The following SERPINA4 variants were observed in gnomAD, a reference collection of about 807,000 sequenced individuals.
SERPINA4 encodes the protein serpin family A member 4, also known as kallistatin.
In SERPINA4, 24 loss-of-function variants were observed where a neutral mutation model predicts 25.4. The observed-to-expected ratio is 0.95, with a 90% confidence interval of 0.69 to 1.33. The LOEUF (loss-of-function observed/expected upper bound fraction) is 1.33. Ranked by LOEUF, SERPINA4 falls within the 40% of genes most tolerant of loss-of-function variation. SERPINA4 has a pLI of 0.00. For synonymous variants in SERPINA4, 242 were observed against 223.6 expected, an observed-to-expected ratio of 1.08 and a Z score of -0.73; for missense variants, 553 against 535.8, an observed-to-expected ratio of 1.03 and a Z score of -0.32.
At position 94,569,604 on chromosome 14, in the gene SERPINA4, G is replaced by A; in HGVS notation, c.*9G>A. The A allele has an allele frequency of 6.2e-7, 1 of 1,614,004 alleles. No individual in the cohort carries two copies. The highest frequency in any genetic ancestry group is 2.2e-5 in the East Asian group (1 of 44,872). ...ACCCCACGAAACCATAGCCCTCCCAGGGCTGCTCATCTGTTCCAAGCAGGA... is the reference window on the plus strand; with the variant it reads ...ACCCCACGAAACCATAGCCCTCCCAAGGCTGCTCATCTGTTCCAAGCAGGA... On this transcript the variant is annotated 3_prime_UTR_variant, in exon 5 of 5. Transcript: ENST00000557004.
In SERPINA4 at chr14:94,563,731, G is replaced by A. The variant is rs1202772779; in HGVS notation, c.249G>A (p.Ser83=). ...TCTTTTTCTCCCCGCTGAGCATCTCGGCGGCCTACGCCATGCTTTCCCTGG... is the reference window on the plus strand; with the variant it reads ...TCTTTTTCTCCCCGCTGAGCATCTCAGCGGCCTACGCCATGCTTTCCCTGG... ...KNIFFSPLSI[S]AAYAMLSLGA... The change falls in exon 2 of 5, where the codon TCG becomes TCA. Residue 83 remains serine (S), a synonymous_variant. Coordinates refer to ENST00000557004, the MANE Select transcript of SERPINA4 (RefSeq NM_006215.4). 14 of 1,613,964 alleles carry A rather than the reference G, an allele frequency of 8.7e-6. No individual in the cohort carries two copies. In the Admixed American group the frequency reaches 1.0e-4, roughly 12 times the overall value.
intron 2 of SERPINA4, among the ~76,000 whole-genome samples, chr14:94,566,741 C>T (rs113875816): frequency 9.2e-5 from 14 of 152,300 alleles, no homozygotes; most frequent in Admixed American, 4.6e-4. Context: ...TATTAGAAAA[C>T]GAACATCCTC....
chr14:94,567,814 A>G (rs755503417), intron 3 of SERPINA4, among the ~76,000 whole-genome samples: 23 of 152,286 alleles, frequency 1.5e-4, no homozygotes, highest in Non-Finnish European at 2.4e-4. Context: ...CCACAGGGCT[A>G]TAACAGAGGC....
intron 1 of SERPINA4, chr14:94,561,835 G>A (rs1347963460): frequency 7.8e-7 from 1 of 1,289,842 alleles, no homozygotes. Flanking sequence ...TCATGCCGGA[G>A]GGGAGGTGTG....
At chr14:94,569,268 TC>T in intron 4 of SERPINA4, 126 bp from the exon 5 acceptor site, 1 of 805,622 alleles carries the variant, frequency 1.2e-6, no homozygotes. Context: ...TGCTGTGTTA[TC>T]CCCAAGAAAT....
At position 94,564,041 on chromosome 14, in the gene SERPINA4, A is replaced by G. The variant is rs1255022977; in HGVS notation, c.559A>G (p.Lys187Glu). The change falls in exon 2 of 5, where the codon AAG (lysine) becomes GAG (glutamate). Residue 187 changes from lysine to glutamate, a missense_variant. By Grantham distance (56) the Lys-to-Glu change is moderately conservative (BLOSUM62 1). Coordinates refer to ENST00000557004, the MANE Select transcript of SERPINA4 (RefSeq NM_006215.4). The part of the protein sequence containing the change: ...GTIQLINDHV[K>E]KETRGKIVDL... ...AATCCAGCTTATCAACGACCACGTCAAGAAGGAAACTCGAGGGAAGATTGT... is the reference window on the plus strand; with the variant it reads ...AATCCAGCTTATCAACGACCACGTCGAGAAGGAAACTCGAGGGAAGATTGT... 1 of 1,612,306 alleles carries G rather than the reference A, an allele frequency of 6.2e-7. No individual in the cohort carries two copies. Among genetic ancestry groups the G allele is most frequent in the Non-Finnish European group, 8.5e-7 (1 of 1,180,036 alleles).
At chr14:94,564,878 ATC>A (rs1902152045) in intron 2 of SERPINA4, among the ~76,000 whole-genome samples, 1 of 152,252 alleles carries the variant, frequency 6.6e-6, no homozygotes, top group Non-Finnish European at 1.5e-5. Flanking sequence ...AGTAGACATA[ATC>A]TCTAGTCCTA....
chr14:94,568,037 G>C, intron 3 of SERPINA4, 92 bp from the exon 4 acceptor site: 1 of 1,307,396 alleles, frequency 7.6e-7, no homozygotes, highest in Non-Finnish European at 1.1e-6. Flanking sequence ...ATGGAATAGA[G>C]CCAGCTAGAG....
intron 4 of SERPINA4, among the ~76,000 whole-genome samples, chr14:94,568,714 G>T (rs1347747656): frequency 1.3e-5 from 2 of 151,914 alleles, no homozygotes; most frequent in Non-Finnish European, 2.9e-5. Flanking sequence ...AATTAGAATG[G>T]TGTGGTGGCG....
At chr14:94,568,320 A>G (rs1289920306) in intron 4 of SERPINA4, 32 bp downstream of exon 4, 2 of 1,612,926 alleles carry the variant, frequency 1.2e-6, no homozygotes, top group African/African-American at 2.7e-5. Context: ...ATCCCTAGAG[A>G]ACTCGGTAGG....
At chr14:94,561,827 A>T in intron 1 of SERPINA4, 1 of 1,289,848 alleles carries the variant, frequency 7.8e-7, no homozygotes, top group Middle Eastern at 2.1e-4. Flanking sequence ...TGGGGAGCTC[A>T]TGCCGGAGGG....
rs1271830702 is a variant in SERPINA4 at position 94,563,793 on chromosome 14, G to T, written c.311G>T (p.Gly104Val). Residue 104 changes from glycine (G) to valine (V), a missense_variant, in exon 2 of 5, where the codon GGC (glycine) becomes GTC (valine). Gly to Val is a moderately radical substitution (Grantham distance 109). Coordinates refer to ENST00000557004, the MANE Select transcript of SERPINA4 (RefSeq NM_006215.4). ...CACAGCCGCAGCCAGATCCTTGAGG[G>T]CCTGGGCTTCAACCTCACCGAGCTG... ...CSHSRSQILE[G>V]LGFNLTELSE... The T allele has an allele frequency of 1.2e-6, 2 of 1,614,152 alleles. No homozygotes were observed. Among genetic ancestry groups the T allele is most frequent in the Non-Finnish European group, 1.7e-6 (2 of 1,180,048 alleles).
At chr14:94,566,830 T>G (rs1426428800) in intron 2 of SERPINA4, 140 bp from the exon 3 acceptor site, 3 of 954,686 alleles carry the variant, frequency 3.1e-6, no homozygotes, top group Admixed American at 2.7e-5. Context: ...ATGGTCAAAA[T>G]GGGACATCTT....
rs148176642 is a variant in SERPINA4 at position 94,563,959 on chromosome 14, C to T, written c.477C>T (p.Thr159=). 5.0e-5 allele frequency: 81 copies of T among 1,614,080 alleles called. No individual in the cohort carries two copies. Among genetic ancestry groups the T allele is most frequent in the Middle Eastern group, 4.9e-4 (3 of 6,084 alleles). Residue 159 remains threonine, a synonymous_variant, in exon 2 of 5, where the codon ACC becomes ACT. Coordinates refer to ENST00000557004, the MANE Select transcript of SERPINA4 (RefSeq NM_006215.4). ...TCCTTGCAAAATTCCTGAATGACAC[C>T]ATGGCCGTCTATGAGGCTAAACTCT... The part of the protein sequence containing the change: ...LKFLAKFLND[T]MAVYEAKLFH...
At chr14:94,564,245 A>G in intron 2 of SERPINA4, 114 bp downstream of exon 2, 1 of 1,137,832 alleles carries the variant, frequency 8.8e-7, no homozygotes, top group Non-Finnish European at 1.3e-6. Context: ...GTTGTGTCTG[A>G]TAGGGTTGAG....
intron 1 of SERPINA4, among the ~76,000 whole-genome samples, chr14:94,562,523 A>C (rs1902060908): frequency 6.6e-6 from 1 of 151,918 alleles, no homozygotes; most frequent in African/African-American, 2.4e-5. Flanking sequence ...GGATCACCTG[A>C]GCTCAGGAAG....
chr14:94,562,684 G>A (rs937545432), intron 1 of SERPINA4, among the ~76,000 whole-genome samples: 1 of 152,200 alleles, frequency 6.6e-6, no homozygotes, highest in African/African-American at 2.4e-5. Flanking sequence ...ATTTTGGGTG[G>A]ATAGAAGCCT....
intron 2 of SERPINA4, among the ~76,000 whole-genome samples, chr14:94,566,588 G>A (rs61978285): frequency 0.037 from 5,659 of 152,092 alleles, 135 homozygotes; most frequent in African/African-American, 0.068. Context: ...CTCTCATCAT[G>A]GCAGTAGTGA....
In SERPINA4 at chr14:94,563,619, C is replaced by T. The variant is rs1902097420; in HGVS notation, c.137C>T (p.Ser46Phe). 2 of 1,613,754 alleles carry T rather than the reference C, an allele frequency of 1.2e-6. No individual in the cohort carries two copies. The highest frequency in any genetic ancestry group is 1.7e-6 in the Non-Finnish European group (2 of 1,180,016). Residue 46 changes from serine to phenylalanine, a missense_variant, in exon 2 of 5, where the codon TCC (serine) becomes TTC (phenylalanine). Physicochemically the swap from Ser to Phe is radical, Grantham distance 155 (BLOSUM62 -2). Transcript: ENST00000557004. ...HQQILETGEG[S>F]PSLKIAPANA... ...CAGATTCTGGAGACAGGTGAGGGCT[C>T]CCCCAGCCTCAAGATAGCCCCTGCC... is the stretch of plus-strand genomic sequence containing the variant.
Sources: gnomAD v4.1 joint callset for allele counts (sites outside exome capture counted in the v4.1 genomes callset) on GRCh38, gnomAD v4.1.1 for gene constraint, MANE v1.5 for transcripts, NCBI Gene and HGNC (gene_info 2026-07-23, HGNC 2026-07-21) for gene names.